The following SLIT2 variants were observed in gnomAD, a reference collection of about 807,000 sequenced individuals.
SLIT2 encodes the protein slit homolog 2 protein.
In SLIT2, 41 loss-of-function variants were observed where a neutral mutation model predicts 185.7. That is an observed-to-expected ratio of 0.22 (90% confidence interval 0.17 to 0.29). The LOEUF (loss-of-function observed/expected upper bound fraction) is 0.29, where lower values mean the gene tolerates loss of function less well. Ranked by LOEUF, SLIT2 falls within the 10% of genes least tolerant of loss-of-function variation. SLIT2 has a pLI of 1.00. For synonymous variants in SLIT2, 693 were observed against 680.2 expected (o/e 1.02, Z -0.29); for missense variants, 1,571 against 1,909.0 (o/e 0.82, Z 3.30).
rs1219064229 is a variant in SLIT2, at chr4:20,554,205, A to G, written c.2725+237A>G. 6.8e-6 allele frequency: 4 copies of G among 584,802 alleles called. No individual in the cohort carries two copies. The African/African-American group carries it at 7.4e-5, about 11-fold the overall frequency. The allele number at this position is 584,802 out of a possible 1,614,324, so 36.2% of individuals were successfully genotyped here. A position where few individuals can be genotyped will look rare whatever the true frequency, so the allele number is the denominator to read the frequency against. On this transcript the variant is annotated intron_variant, in intron 26 of 36. Coordinates refer to ENST00000504154, the MANE Select transcript of SLIT2 (RefSeq NM_004787.4). ...AATGACCAAGTTTTCTTGAAAGTGT[A>G]TCAAAAAACGTAGAGTTCACAATTT...
In SLIT2 at chr4:20,254,717, G is replaced by T. The variant is rs533405658; in HGVS notation, c.179+723G>T. 1.7e-4 allele frequency among the ~76,000 whole-genome samples: 26 copies of T among 152,220 alleles called. No individual in the cohort carries two copies. The East Asian group carries it at 4.5e-3, about 26-fold the overall frequency. ...CATCCGTTAAGCGAAGTTAGCACTG[G>T]TTCTCCAGCGCAAACCAGCCCAACC... On this transcript the variant is annotated intron_variant, in intron 1 of 36. Coordinates refer to ENST00000504154, the MANE Select transcript of SLIT2 (RefSeq NM_004787.4). The surrounding 1 kb of genome is among the most constrained non-coding windows in gnomAD (Gnocchi z 5.1).
intron 4 of SLIT2, among the ~76,000 whole-genome samples, chr4:20,333,049 C>T (rs946388524): frequency 1.4e-4 from 21 of 152,024 alleles, no homozygotes; most frequent in Non-Finnish European, 2.9e-5. Context: ...TTAAGACTAT[C>T]AGTTTGGAGT....
At chr4:20,315,926 T>TTTTTTC (rs887754280) in intron 4 of SLIT2, among the ~76,000 whole-genome samples, 2 of 152,026 alleles carry the variant, frequency 1.3e-5, no homozygotes, top group Non-Finnish European at 2.9e-5. Context: ...TTGAGGGCCA[T>TTTTTTC]TACATCCACG....
In SLIT2 at chr4:20,254,481, C is replaced by A. The variant is rs903871444; in HGVS notation, c.179+487C>A. ...ACTTGCCTTCCCCGATTTTTTGTCA[C>A]CCTCCTGGGGGCGAAGGTTAGGAAG... On this transcript the variant is annotated intron_variant, in intron 1 of 36. Transcript: ENST00000504154. This position sits in a 1 kb window ranked among gnomAD's most constrained non-coding sequence, Gnocchi z 5.1. Among the ~76,000 whole-genome samples, 2 of 152,178 alleles carry A rather than the reference C, an allele frequency of 1.3e-5. No individual in the cohort carries two copies. The highest frequency in any genetic ancestry group is 4.8e-5 in the African/African-American group (2 of 41,528).
intron 4 of SLIT2, among the ~76,000 whole-genome samples, chr4:20,396,471 T>G (rs1190132623): frequency 6.6e-6 from 1 of 151,904 alleles, no homozygotes; most frequent in Non-Finnish European, 1.5e-5. Context: ...GCTTTATGCT[T>G]GGTTGTTTTC....
chr4:20,313,973 A>G (rs1027463379), intron 4 of SLIT2, among the ~76,000 whole-genome samples: 1 of 152,214 alleles, frequency 6.6e-6, no homozygotes, highest in African/African-American at 2.4e-5. Flanking sequence ...TTAAGGTTAC[A>G]AAGATAAATA....
At chr4:20,453,267 G>A (rs1046852976) in intron 4 of SLIT2, among the ~76,000 whole-genome samples, 5 of 152,044 alleles carry the variant, frequency 3.3e-5, no homozygotes, top group Non-Finnish European at 5.9e-5. Context: ...TGCTTACTGG[G>A]ATTGTTTAAA....
chr4:20,591,776 T>A (rs181439661), intron 30 of SLIT2, among the ~76,000 whole-genome samples: 258 of 152,134 alleles, frequency 1.7e-3, no homozygotes, highest in African/African-American at 6.1e-3. Flanking sequence ...GAACTGCTCA[T>A]CTGCTGAACA....
At chr4:20,342,366 A>G (rs750267705) in intron 4 of SLIT2, among the ~76,000 whole-genome samples, 1 of 152,174 alleles carries the variant, frequency 6.6e-6, no homozygotes, top group African/African-American at 2.4e-5. Context: ...TGGAAAAATG[A>G]ATTATAGTGT....
rs144135851 is a variant in SLIT2 at position 20,422,195 on chromosome 4, A to G, written c.396-45557A>G. On this transcript the variant is annotated intron_variant, in intron 4 of 36. Coordinates refer to ENST00000504154, the MANE Select transcript of SLIT2 (RefSeq NM_004787.4). ...CAAATTGCGTGCATTGTCAATGTGAATTATAGATAGTATGCTATGAAAACA... is the reference window on the plus strand; with the variant it reads ...CAAATTGCGTGCATTGTCAATGTGAGTTATAGATAGTATGCTATGAAAACA... Among the ~76,000 whole-genome samples, 307 of 152,344 alleles carry G rather than the reference A, an allele frequency of 2.0e-3. 4 individuals carry two copies. Among genetic ancestry groups the G allele is most frequent in the Admixed American group, 4.4e-3 (67 of 15,290 alleles).
At chr4:20,323,075 C>T (rs541308757) in intron 4 of SLIT2, among the ~76,000 whole-genome samples, 1 of 152,192 alleles carries the variant, frequency 6.6e-6, no homozygotes, top group African/African-American at 2.4e-5. Context: ...GAACTAAAAC[C>T]GGTCATGTTT....
rs1722214445 is a variant in SLIT2, at chr4:20,253,676, A to G, written c.-140A>G. The G allele has an allele frequency of 3.1e-6, 3 of 965,908 alleles. No homozygotes were observed. Among genetic ancestry groups the G allele is most frequent in the Non-Finnish European group, 3.1e-6 (2 of 645,530 alleles). 59.8% of individuals were successfully genotyped at this position (965,908 alleles called of 1,614,324 possible). A position where few individuals can be genotyped will look rare whatever the true frequency, so the allele number is the denominator to read the frequency against. On this transcript the variant is annotated 5_prime_UTR_variant, in exon 1 of 37. In the 5' UTR this introduces an upstream ATG that the reference lacks. Coordinates refer to ENST00000504154, the MANE Select transcript of SLIT2 (RefSeq NM_004787.4). The stretch of plus-strand genomic sequence containing the variant: ...AGTGGGCTCTACTGCCTTGTTCCAT[A>G]TTATTTGGTGCACATTTTCCCTGGC...
intron 3 of SLIT2, among the ~76,000 whole-genome samples, chr4:20,262,393 GCAT>G (rs1712568171): frequency 6.6e-6 from 1 of 151,890 alleles, no homozygotes; most frequent in East Asian, 1.9e-4. Flanking sequence ...CTGAAAGAAA[GCAT>G]CATTTATCCT....
At chr4:20,581,631 G>A (rs1416847914) in intron 29 of SLIT2, among the ~76,000 whole-genome samples, 1 of 151,992 alleles carries the variant, frequency 6.6e-6, no homozygotes, top group Non-Finnish European at 1.5e-5. Context: ...ACTGCTTTGG[G>A]CCATGTATAT....
At chr4:20,418,025 C>G (rs1727840343) in intron 4 of SLIT2, among the ~76,000 whole-genome samples, 1 of 152,160 alleles carries the variant, frequency 6.6e-6, no homozygotes, top group Non-Finnish European at 1.5e-5. Flanking sequence ...GTTGTCCTGT[C>G]TCTCCTATAG....
At chr4:20,473,180 A>G (rs1715747479) in intron 5 of SLIT2, among the ~76,000 whole-genome samples, 1 of 141,298 alleles carries the variant, frequency 7.1e-6, no homozygotes, top group African/African-American at 2.7e-5. Flanking sequence ...AAACTTTACT[A>G]TTCTTTCTTC....
chr4:20,499,676 G>A (rs2148811112), intron 9 of SLIT2, among the ~76,000 whole-genome samples: 1 of 152,188 alleles, frequency 6.6e-6, no homozygotes, highest in Non-Finnish European at 1.5e-5. Flanking sequence ...TTTTAGTAGA[G>A]ATGGGGTTTC....
intron 4 of SLIT2, among the ~76,000 whole-genome samples, chr4:20,278,116 C>T (rs1043724853): frequency 6.6e-6 from 1 of 151,892 alleles, no homozygotes; most frequent in African/African-American, 2.4e-5. Flanking sequence ...AGTTTACATG[C>T]TGTTAAAGTA....
At chr4:20,265,909 T>C (rs1432225315) in intron 3 of SLIT2, among the ~76,000 whole-genome samples, 1 of 151,814 alleles carries the variant, frequency 6.6e-6, no homozygotes, top group Non-Finnish European at 1.5e-5. Flanking sequence ...TCCAGAGGAG[T>C]GATTCAGAGG....
Sources: gnomAD v4.1 joint callset for allele counts (sites outside exome capture counted in the v4.1 genomes callset) on GRCh38, gnomAD v4.1.1 for gene constraint, Gnocchi (gnomAD v3.1) non-coding constraint, MANE v1.5 for transcripts, NCBI Gene and HGNC (gene_info 2026-07-23, HGNC 2026-07-21) for gene names.